The following RGS8 variants were observed in gnomAD, a reference collection of about 807,000 sequenced individuals.
RGS8 encodes regulator of G protein signaling 8, also known as regulator of G-protein signaling 8.
RGS8 carries 8 observed loss-of-function variants against 21.7 expected under a neutral mutation model. The ratio of observed to expected loss-of-function variants is 0.37; its 90% confidence interval spans 0.22 to 0.66. RGS8 has a LOEUF of 0.66. RGS8 is among the 30% of genes least tolerant of loss of function. RGS8 has a pLI of 0.59. For synonymous variants in RGS8, 80 were observed against 83.6 expected, an observed-to-expected ratio of 0.96 and a Z score of 0.24; for missense variants, 157 against 217.9, an observed-to-expected ratio of 0.72 and a Z score of 1.76.
the RGS8 span, among the ~76,000 whole-genome samples, chr1:182,723,942 T>C: frequency 6.6e-6 from 1 of 151,838 alleles, no homozygotes; most frequent in Admixed American, 6.6e-5. Context: ...CGAGAATAGG[T>C]TCAGAGCAGC....
At chr1:182,730,349 C>T in the RGS8 span, among the ~76,000 whole-genome samples, 4 of 152,108 alleles carry the variant, frequency 2.6e-5, no homozygotes, top group Admixed American at 6.5e-5. Context: ...AATTTTAAAA[C>T]ATGCACACCC....
the RGS8 span, among the ~76,000 whole-genome samples, chr1:182,740,544 GTTTGTTTTTTTT>G: frequency 3.9e-5 from 4 of 103,322 alleles, no homozygotes; most frequent in Non-Finnish European, 5.8e-5. Flanking sequence ...TTTTTTGTTT[GTTTGTTTTTTTT>G]TTTTTTTTTT....
At chr1:182,669,488 G>A (rs1287541709) in intron 3 of RGS8, 136 bp downstream of exon 4, 6 of 1,260,086 alleles carry the variant, frequency 4.8e-6, no homozygotes, top group African/African-American at 1.5e-5. Context: ...TCACACAGGA[G>A]GCCTATGGGG....
At chr1:182,649,486 G>A (rs1442242518) in intron 5 of RGS8, among the ~76,000 whole-genome samples, 1 of 151,844 alleles carries the variant, frequency 6.6e-6, no homozygotes, top group African/African-American at 2.4e-5. Flanking sequence ...TATTTTAAAA[G>A]ATATTGCCTA....
chr1:182,708,858 G>A, the RGS8 span, among the ~76,000 whole-genome samples: 33 of 152,218 alleles, frequency 2.2e-4, no homozygotes, highest in Non-Finnish European at 4.1e-4. Flanking sequence ...CCAAGTTGAC[G>A]CTGGTGCTCC....
chr1:182,752,235 C>T, the RGS8 span, among the ~76,000 whole-genome samples: 400 of 152,318 alleles, frequency 2.6e-3, 3 homozygotes, highest in African/African-American at 9.2e-3. Flanking sequence ...GCTGACAGAA[C>T]ATTCCTGAGG....
chr1:182,700,149 C>G, the RGS8 span, among the ~76,000 whole-genome samples: 27 of 152,234 alleles, frequency 1.8e-4, no homozygotes, highest in South Asian at 5.2e-3. Flanking sequence ...CTTCCCAATT[C>G]TCGGCTCCGG....
the RGS8 span, among the ~76,000 whole-genome samples, chr1:182,745,109 G>C: frequency 1.3e-5 from 2 of 152,292 alleles, no homozygotes; most frequent in East Asian, 3.9e-4. Flanking sequence ...TCTTCAGAAA[G>C]CTTCCTTTCA....
At chr1:182,662,655 G>A (rs983991531) in intron 5 of RGS8, among the ~76,000 whole-genome samples, 4 of 152,184 alleles carry the variant, frequency 2.6e-5, no homozygotes, top group South Asian at 2.1e-4. Flanking sequence ...TTGACAAGAC[G>A]GAATTGAAGA....
the RGS8 span, among the ~76,000 whole-genome samples, chr1:182,745,001 A>G: frequency 2.0e-5 from 3 of 152,230 alleles, no homozygotes; most frequent in Non-Finnish European, 2.9e-5. Flanking sequence ...CTTCACATAC[A>G]TGAAATTATA....
the RGS8 span, among the ~76,000 whole-genome samples, chr1:182,724,421 A>G: frequency 4.6e-5 from 7 of 151,688 alleles, no homozygotes; most frequent in Non-Finnish European, 8.8e-5. Flanking sequence ...TGACTCAGCT[A>G]CTTGTTATAC....
the RGS8 span, among the ~76,000 whole-genome samples, chr1:182,751,533 T>C: frequency 2.6e-5 from 4 of 152,192 alleles, no homozygotes; most frequent in Admixed American, 2.0e-4. Context: ...AAGGGGTTCA[T>C]TTTCCCTGTC....
the RGS8 span, among the ~76,000 whole-genome samples, chr1:182,710,830 G>A: frequency 6.6e-6 from 1 of 152,272 alleles, no homozygotes; most frequent in Admixed American, 6.5e-5. Flanking sequence ...ATATTATTAT[G>A]TAATTCAACA....
chr1:182,750,183 T>C, the RGS8 span, among the ~76,000 whole-genome samples: 1 of 152,220 alleles, frequency 6.6e-6, no homozygotes, highest in African/African-American at 2.4e-5. Context: ...TTTTGGGCTA[T>C]GGAAGCCTAA....
At chr1:182,751,142 A>G in the RGS8 span, among the ~76,000 whole-genome samples, 1 of 152,194 alleles carries the variant, frequency 6.6e-6, no homozygotes, top group East Asian at 1.9e-4. Context: ...TCATTTGAAG[A>G]TAGAACTAAA....
upstream of RGS8, chr1:182,684,594 CA>C (rs902377648): frequency 2.0e-5 from 3 of 151,990 alleles, no homozygotes; most frequent in African/African-American, 7.3e-5. This position sits in a 1 kb window ranked among gnomAD's most constrained non-coding sequence, Gnocchi z 4.2. Flanking sequence ...GAGTGAGCGG[CA>C]GGGGAGGGGG....
chr1:182,672,708 C>T, upstream of RGS8: 2 of 1,302,792 alleles, frequency 1.5e-6, no homozygotes, highest in East Asian at 2.3e-5. Context: ...AGCAACTTCC[C>T]CCTACTTGCA....
chr1:182,658,833 C>A (rs1162769483), intron 5 of RGS8, among the ~76,000 whole-genome samples: 6 of 152,270 alleles, frequency 3.9e-5, no homozygotes, highest in African/African-American at 1.4e-4. Flanking sequence ...GGCAACAGAG[C>A]AAGACCCTGT....
chr1:182,727,094 C>T, the RGS8 span, among the ~76,000 whole-genome samples: 1 of 152,164 alleles, frequency 6.6e-6, no homozygotes, highest in Non-Finnish European at 1.5e-5. Context: ...TTGCTTCCCA[C>T]AAGTCAGGAA....
Sources: gnomAD v4.1 joint callset for allele counts (sites outside exome capture counted in the v4.1 genomes callset) on GRCh38, gnomAD v4.1.1 for gene constraint, Gnocchi (gnomAD v3.1) non-coding constraint, MANE v1.5 for transcripts, NCBI Gene and HGNC (gene_info 2026-07-23, HGNC 2026-07-21) for gene names.